TRPA1: variants seen among roughly 807,000 people sequenced by gnomAD.
TRPA1 encodes the protein ankyrin-like with transmembrane domains 1.
In TRPA1, 129 loss-of-function variants were observed where a neutral mutation model predicts 131.3. That is an observed-to-expected ratio of 0.98 (90% CI 0.85 to 1.14). The LOEUF (loss-of-function observed/expected upper bound fraction) is 1.14, where lower values mean the gene tolerates loss of function less well. Among genes scored for constraint, TRPA1 ranks in the 50% most tolerant of loss-of-function variants. The pLI is 0.00. For synonymous variants in TRPA1, 441 were observed against 451.7 expected (o/e 0.98, Z 0.30); for missense variants, 1,304 against 1,354.2 (o/e 0.96, Z 0.58).
At position 72,033,831 on chromosome 8, in the gene TRPA1, A is replaced by G; in HGVS notation, c.2686-5T>C. On this transcript the variant is annotated splice_region_variant and splice_polypyrimidine_tract_variant and intron_variant, in intron 22 of 26. Coordinates refer to ENST00000262209, the MANE Select transcript of TRPA1 (RefSeq NM_007332.3). ...CAATGGAGAGCTGAAGGGATCCTGA[A>G]AGCAGACGGTGAGGTACAAATGAAA... 6.2e-7 allele frequency: 1 copy of G among 1,613,700 alleles called. No individual in the cohort carries two copies. Among genetic ancestry groups the G allele is most frequent in the Non-Finnish European group, 8.5e-7 (1 of 1,179,684 alleles).
chr8:72,027,584 G>C (rs1159398806), intron 24 of TRPA1, among the ~76,000 whole-genome samples: 2 of 152,106 alleles, frequency 1.3e-5, no homozygotes, highest in African/African-American at 4.8e-5. Flanking sequence ...CTGAAGAACT[G>C]ACAGTCCCCA....
Position 72,038,079 on chromosome 8 carries a change from CA to C in TRPA1, c.2296-8del. 1 of 1,371,072 alleles carries C rather than the reference CA, an allele frequency of 7.3e-7. No homozygotes were observed. The highest frequency in any genetic ancestry group is 1.0e-6 in the Non-Finnish European group (1 of 968,984). The allele number at this position is 1,371,072 out of a possible 1,614,324, so 84.9% of individuals were successfully genotyped here. On this transcript the variant is annotated splice_region_variant and splice_polypyrimidine_tract_variant and intron_variant, in intron 19 of 26. Coordinates refer to ENST00000262209, the MANE Select transcript of TRPA1 (RefSeq NM_007332.3). The stretch of plus-strand genomic sequence containing the variant: ...TTTTTATTAGATATGAATTCTAAAA[CA>C]AAAAAGGATAAGACACATAGTTATG...
intron 23 of TRPA1, 72 bp downstream of exon 23, chr8:72,033,572 G>T (rs1811913392): frequency 1.4e-6 from 2 of 1,413,544 alleles, no homozygotes; most frequent in African/African-American, 1.4e-5. Flanking sequence ...GATTAAAGAA[G>T]TTAAAAATGA....
intron 24 of TRPA1, among the ~76,000 whole-genome samples, chr8:72,027,352 C>A (rs1811645288): frequency 6.6e-6 from 1 of 152,142 alleles, no homozygotes; most frequent in South Asian, 2.1e-4. Flanking sequence ...CTGAGCCTGG[C>A]ACCACTGGGC....
chr8:72,023,654 TA>T, intron 26 of TRPA1, 159 bp downstream of exon 26: 1 of 564,796 alleles, frequency 1.8e-6, no homozygotes, highest in Non-Finnish European at 3.2e-6. Flanking sequence ...TTGTTGGTTC[TA>T]AAAAATGTCT....
At chr8:72,043,835 T>C (rs1315829803) in intron 17 of TRPA1, among the ~76,000 whole-genome samples, 1 of 151,890 alleles carries the variant, frequency 6.6e-6, no homozygotes, top group Admixed American at 6.6e-5. Context: ...TTACATTTTT[T>C]CAATTTTAGT....
chr8:72,045,213 T>C (rs1812387060), intron 17 of TRPA1, among the ~76,000 whole-genome samples: 1 of 151,850 alleles, frequency 6.6e-6, no homozygotes, highest in South Asian at 2.1e-4. Context: ...GTTAAAGGCA[T>C]AAAATCCCCA....
intron 6 of TRPA1, chr8:72,062,188 T>C (rs1805825507): frequency 5.1e-6 from 1 of 195,794 alleles, no homozygotes; most frequent in Non-Finnish European, 1.1e-5. Context: ...TGTTAGCTTT[T>C]CTGAGTTTTT....
intron 23 of TRPA1, among the ~76,000 whole-genome samples, chr8:72,030,493 G>A (rs1811774747): frequency 6.6e-6 from 1 of 152,098 alleles, no homozygotes; most frequent in Non-Finnish European, 1.5e-5. Flanking sequence ...AAAACTACAA[G>A]GCCTATATAC....
At chr8:72,089,133 T>C in the TRPA1 span, among the ~76,000 whole-genome samples, 2 of 152,176 alleles carry the variant, frequency 1.3e-5, no homozygotes, top group South Asian at 4.1e-4. Context: ...CTTAATCAGA[T>C]GATGAACTTA....
intron 15 of TRPA1, among the ~76,000 whole-genome samples, chr8:72,048,238 A>G (rs1371308500): frequency 6.6e-6 from 1 of 152,116 alleles, no homozygotes; most frequent in Non-Finnish European, 1.5e-5. Context: ...TATGGTCCTG[A>G]GAAAGAAATA....
intron 14 of TRPA1, 120 bp downstream of exon 14, chr8:72,052,478 CT>C: frequency 8.0e-7 from 1 of 1,251,972 alleles, no homozygotes; most frequent in Non-Finnish European, 1.2e-6. Context: ...ATGTAAACAA[CT>C]GATATTTTAA....
chr8:72,035,533 C>G (rs575233275), intron 21 of TRPA1, among the ~76,000 whole-genome samples: 1 of 152,258 alleles, frequency 6.6e-6, no homozygotes, highest in East Asian at 1.9e-4. Context: ...TCAGCTTCTT[C>G]TTTTAGAGAA....
chr8:72,054,700 T>C (rs77278022), intron 12 of TRPA1: 6,355 of 152,404 alleles, frequency 0.042, 172 homozygotes, highest in Middle Eastern at 0.092. Context: ...AAAACATTCA[T>C]TCATGTAGCT....
intron 14 of TRPA1, 96 bp downstream of exon 14, chr8:72,052,503 G>A: frequency 6.7e-7 from 1 of 1,500,230 alleles, no homozygotes; most frequent in Non-Finnish European, 9.3e-7. Flanking sequence ...TTGATTAATG[G>A]CTGAAAATCA....
chr8:72,070,258 T>C (rs1806030016), intron 2 of TRPA1, among the ~76,000 whole-genome samples: 1 of 152,126 alleles, frequency 6.6e-6, no homozygotes, highest in African/African-American at 2.4e-5. Context: ...GTTTTCTGTT[T>C]CTCTCCTTTT....
chr8:72,068,455 A>G (rs1805980610), intron 3 of TRPA1, among the ~76,000 whole-genome samples: 1 of 151,476 alleles, frequency 6.6e-6, no homozygotes, highest in East Asian at 1.9e-4. Flanking sequence ...GATGTTTCCC[A>G]GTGGTATCCT....
chr8:72,037,941 G>A (rs1178756412), intron 20 of TRPA1, 42 bp downstream of exon 20: 1 of 1,205,946 alleles, frequency 8.3e-7, no homozygotes, highest in Non-Finnish European at 1.2e-6. Context: ...TTCTGCATAT[G>A]AAAATATGTG....
Position 72,053,853 on chromosome 8 carries a change from C to T in TRPA1, c.1544G>A (p.Trp515Ter), listed in dbSNP as rs970236986. Residue 515 changes from tryptophan to a stop codon, truncating the protein, a stop_gained, in exon 13 of 27, where the codon TGG becomes TAG. Transcript: ENST00000262209. LOFTEE classifies it high-confidence loss of function. The part of the protein sequence containing the change: ...GALFLSDHNG[W>*]TALHHASMGG... ...CATGGACGCATGATGCAAAGCTGTC[C>T]AGCCATTGTGGTCACTGGTAAAGAG... 2 of 1,611,274 alleles carry T rather than the reference C, an allele frequency of 1.2e-6. No individual in the cohort carries two copies. The highest frequency in any genetic ancestry group is 1.3e-5 in the African/African-American group (1 of 74,830).
Sources: allele counts gnomAD v4.1 joint callset (sites outside exome capture counted in the v4.1 genomes callset), GRCh38; gene constraint gnomAD v4.1.1; transcripts MANE v1.5; gene names NCBI Gene and HGNC (gene_info 2026-07-23, HGNC 2026-07-21).